KANK4: variants seen among roughly 807,000 people sequenced by gnomAD.
The protein encoded by KANK4 is KN motif and ankyrin repeat domains 4.
Under a neutral mutation model 80.8 loss-of-function variants are expected in KANK4, and 50 were observed. That is an observed-to-expected ratio of 0.62 (90% CI 0.49 to 0.78). The LOEUF (loss-of-function observed/expected upper bound fraction) is 0.78, where lower values mean the gene tolerates loss of function less well. Ranked by LOEUF, KANK4 falls within the 30% of genes least tolerant of loss-of-function variation. The pLI, the probability that KANK4 is intolerant of heterozygous loss-of-function variation, is 0.00. For synonymous variants in KANK4, 465 were observed against 506.9 expected, an observed-to-expected ratio of 0.92 and a Z score of 1.11; for missense variants, 1,196 against 1,240.1, an observed-to-expected ratio of 0.96 and a Z score of 0.53.
intron 4 of KANK4, among the ~76,000 whole-genome samples, chr1:62,270,611 T>C (rs1672137922): frequency 6.6e-6 from 1 of 152,260 alleles, no homozygotes; most frequent in South Asian, 2.1e-4. Flanking sequence ...CTTGAAATCC[T>C]GGCCTCAGGT....
At chr1:62,250,823 A>G (rs1374201509) in intron 8 of KANK4, among the ~76,000 whole-genome samples, 1 of 152,222 alleles carries the variant, frequency 6.6e-6, no homozygotes, top group Non-Finnish European at 1.5e-5. Context: ...ACCAGAAAGT[A>G]ATCTATAAAC....
At chr1:62,247,763 A>G in intron 8 of KANK4, 91 bp from the exon 9 acceptor site, 1 of 1,022,376 alleles carries the variant, frequency 9.8e-7, no homozygotes, top group South Asian at 1.4e-5. Flanking sequence ...GAGACTTCTC[A>G]ATACCACAAC....
At chr1:62,292,712 C>G (rs1672704001) in intron 1 of KANK4, among the ~76,000 whole-genome samples, 1 of 151,978 alleles carries the variant, frequency 6.6e-6, no homozygotes, top group South Asian at 2.1e-4. Context: ...TTTGATATAT[C>G]TGGACATGTT....
chr1:62,301,897 T>A (rs1644414765), intron 1 of KANK4, among the ~76,000 whole-genome samples: 1 of 151,536 alleles, frequency 6.6e-6, no homozygotes, highest in Non-Finnish European at 1.5e-5. Flanking sequence ...TCCATTTCCG[T>A]GTGATCACCA....
intron 1 of KANK4, among the ~76,000 whole-genome samples, chr1:62,304,531 C>A (rs1008195792): frequency 6.6e-6 from 1 of 151,906 alleles, no homozygotes; most frequent in South Asian, 2.1e-4. Flanking sequence ...CTGCACTGGG[C>A]CTTAACTTCC....
At chr1:62,310,435 G>C (rs570482088) in intron 1 of KANK4, among the ~76,000 whole-genome samples, 173 of 152,288 alleles carry the variant, frequency 1.1e-3, no homozygotes, top group African/African-American at 3.9e-3. Flanking sequence ...AGAAAGGTGA[G>C]GGACAAGCTC....
At chr1:62,287,184 G>C (rs1395554991) in intron 1 of KANK4, among the ~76,000 whole-genome samples, 1 of 152,000 alleles carries the variant, frequency 6.6e-6, no homozygotes, top group Non-Finnish European at 1.5e-5. Flanking sequence ...TGAGGTGCAG[G>C]CACCAGACTC....
Position 62,238,280 on chromosome 1 carries a change from C to G in KANK4, c.2985G>C (p.Leu995=), listed in dbSNP as rs144097182. 3 of 1,611,522 alleles carry G rather than the reference C, an allele frequency of 1.9e-6. No homozygotes were observed. In the African/African-American group the frequency reaches 4.0e-5, roughly 22 times the overall value. The part of the protein sequence containing the change: ...AHAEQGRSLG[L] ...ACGGCCAGTTCTTCTGCAGCCCCTA[C>G]AGCCCCAGGGACCTGCCCTGCTCCG... The change falls in exon 10 of 10, where the codon CTG becomes CTC. Residue 995 remains leucine, a synonymous_variant. Coordinates refer to ENST00000371153, the MANE Select transcript of KANK4 (RefSeq NM_181712.5).
At position 62,275,034 on chromosome 1, in the gene KANK4, G is replaced by C. The variant is rs1311336020; in HGVS notation, c.70C>G (p.Pro24Ala). The change falls in exon 3 of 10, where the codon CCT (proline) becomes GCT (alanine). Residue 24 changes from proline (P) to alanine (A), a missense_variant. Physicochemically the swap from Pro to Ala is conservative, Grantham distance 27. Around this residue, in one of 3 missense-constraint regions of KANK4, gnomAD observed 36 missense variants for 34.0 expected, o/e 1.06. Coordinates refer to ENST00000371153, the MANE Select transcript of KANK4 (RefSeq NM_181712.5). Reference sequence around the variant, plus strand: ...CCATATGGGGTCTCCACAGAATAAGGGTGGCTCTTCGGAGGGTCTTTCTCT... The same window carrying C: ...CCATATGGGGTCTCCACAGAATAAGCGTGGCTCTTCGGAGGGTCTTTCTCT... ...DEEKDPPKSHPYSVETPYGFH... is the reference protein window; with the variant it reads ...DEEKDPPKSHAYSVETPYGFH... 18 of 1,613,972 alleles carry C rather than the reference G, an allele frequency of 1.1e-5. No individual in the cohort carries two copies. Among genetic ancestry groups the C allele is most frequent in the Non-Finnish European group, 1.4e-5 (17 of 1,179,962 alleles).
Position 62,263,173 on chromosome 1 carries a change from C to T in KANK4, c.2458G>A (p.Ala820Thr). Reference protein sequence around the residue: ...PHFLKLLVNLADHNGNTALHY... With the variant: ...PHFLKLLVNLTDHNGNTALHY... ...AGGGCCGTGTTCCCGTTGTGATCGG[C>T]CAAGTTGACAAGCAGTTTCAGGAAG... The change falls in exon 7 of 10, where the codon GCC becomes ACC. Residue 820 changes from alanine to threonine, a missense_variant. This residue lies in a region of KANK4 where 1,154 missense variants were observed against 1,179.6 expected (regional missense o/e 0.98). Coordinates refer to ENST00000371153, the MANE Select transcript of KANK4 (RefSeq NM_181712.5). 1.2e-6 allele frequency: 2 copies of T among 1,613,984 alleles called. No homozygotes were observed. Among genetic ancestry groups the T allele is most frequent in the South Asian group, 1.1e-5 (1 of 91,044 alleles).
intron 1 of KANK4, among the ~76,000 whole-genome samples, chr1:62,300,984 T>A (rs1243681438): frequency 6.6e-6 from 1 of 152,110 alleles, no homozygotes; most frequent in African/African-American, 2.4e-5. Context: ...ATGTATATAA[T>A]CTGAAATTGC....
chr1:62,289,478 C>T lies in KANK4; in HGVS notation c.-70-7844G>A, dbSNP rs574838793. On this transcript the variant is annotated intron_variant, in intron 1 of 9. Transcript: ENST00000371153. ...GATTGCAGCAGAGTGGGGGCAGCTG[C>T]GGCCAAGAGAGGAACTTCAGGCCGT... Among the ~76,000 whole-genome samples the T allele has an allele frequency of 3.3e-5, 5 of 152,220 alleles. No individual in the cohort carries two copies. The South Asian group carries it at 6.2e-4, about 19-fold the overall frequency.
Position 62,278,372 on chromosome 1 carries a change from CCTTCCTTT to C in KANK4, c.16+3169_16+3176del, listed in dbSNP as rs1330931563. 5.2e-3 allele frequency among the ~76,000 whole-genome samples: 127 copies of C among 24,268 alleles called. 9 individuals carry two copies. Among genetic ancestry groups the C allele is most frequent in the East Asian group, 0.023 (9 of 398 alleles). 15.9% of individuals were successfully genotyped at this position (24,268 alleles called of 152,430 possible). On this transcript the variant is annotated intron_variant, in intron 2 of 9. Coordinates refer to ENST00000371153, the MANE Select transcript of KANK4 (RefSeq NM_181712.5). ...TCCTTCCTTCCTTCCTTCCTTCCTTCCTTCCTTTCTTTCTTTCTTTCTTTCTTTTTTTT... is the reference window on the plus strand; with the variant it reads ...TCCTTCCTTCCTTCCTTCCTTCCTTCCTTTCTTTCTTTCTTTCTTTTTTTT...
intron 2 of KANK4, among the ~76,000 whole-genome samples, chr1:62,278,316 TC>T (rs1672357205): frequency 4.4e-5 from 1 of 22,694 alleles, no homozygotes; most frequent in Non-Finnish European, 6.7e-5. Flanking sequence ...GGGCACATTT[TC>T]TTTCTTCCTT....
At chr1:62,278,397 C>CTTTCTTTCTTT (rs1553130867) in intron 2 of KANK4, among the ~76,000 whole-genome samples, 1 of 29,232 alleles carries the variant, frequency 3.4e-5, no homozygotes, top group African/African-American at 1.4e-4. Flanking sequence ...TTCTTTCTTT[C>CTTTCTTTCTTT]TTTTTTTTTT....
At chr1:62,258,739 G>A (rs1671810582) in intron 7 of KANK4, among the ~76,000 whole-genome samples, 1 of 152,116 alleles carries the variant, frequency 6.6e-6, no homozygotes, top group South Asian at 2.1e-4. Flanking sequence ...ACATTCTGTT[G>A]GGTAGAAATG....
intron 1 of KANK4, among the ~76,000 whole-genome samples, chr1:62,281,905 A>G (rs1672459164): frequency 6.6e-6 from 1 of 152,174 alleles, no homozygotes; most frequent in Admixed American, 6.5e-5. Context: ...GAGGAAACTG[A>G]GGCTGAGGAG....
Position 62,266,498 on chromosome 1 carries a change from A to T in KANK4, c.2319+234T>A, listed in dbSNP as rs1555833. On this transcript the variant is annotated intron_variant, in intron 6 of 9. Coordinates refer to ENST00000371153, the MANE Select transcript of KANK4 (RefSeq NM_181712.5). The stretch of plus-strand genomic sequence containing the variant: ...GAACATTCACACCACTGCCTCACAC[A>T]CACACCACTCACACCACTGCACACT... Among the ~76,000 whole-genome samples the T allele has an allele frequency of 0.79, 118,571 of 150,758 alleles. 47,143 individuals are homozygous for T. Among genetic ancestry groups the T allele is most frequent in the African/African-American group, 0.91 (37,461 of 41,042 alleles).
intron 8 of KANK4, among the ~76,000 whole-genome samples, chr1:62,252,423 T>TTGGGATC (rs1651825780): frequency 6.6e-6 from 1 of 152,218 alleles, no homozygotes; most frequent in African/African-American, 2.4e-5. Context: ...TAGGAGTGTT[T>TTGGGATC]TGGGATCTGG....
Sources: gnomAD v4.1 joint callset for allele counts (sites outside exome capture counted in the v4.1 genomes callset) on GRCh38, gnomAD v4.1.1 for gene constraint, gnomAD v4.1.1 regional missense constraint, MANE v1.5 for transcripts, NCBI Gene and HGNC (gene_info 2026-07-23, HGNC 2026-07-21) for gene names.